The following DDR2 variants were observed in gnomAD, a reference collection of about 807,000 sequenced individuals.
DDR2 encodes discoidin domain-containing receptor 2.
DDR2 carries 27 observed loss-of-function variants against 94.9 expected under a neutral mutation model. The ratio of observed to expected loss-of-function variants is 0.28; its 90% CI spans 0.21 to 0.39. DDR2 has a LOEUF of 0.39. DDR2 is among the 10% of genes least tolerant of loss of function. The pLI is 1.00. For missense variants in DDR2, 783 were observed against 1,076.0 expected (o/e 0.73, Z 3.81); for synonymous variants, 382 against 377.2 (o/e 1.01, Z -0.15).
chr1:162,741,194 T>TACAATAC (rs1558057287), intron 3 of DDR2, among the ~76,000 whole-genome samples: 5 of 77,542 alleles, frequency 6.4e-5, no homozygotes, highest in African/African-American at 2.2e-4. Context: ...TAACATAACA[T>TACAATAC]AATACAATAC....
chr1:162,755,914 G>A, intron 7 of DDR2, 145 bp downstream of exon 7: 1 of 760,416 alleles, frequency 1.3e-6, no homozygotes, highest in Non-Finnish European at 2.2e-6. Flanking sequence ...TTTAGATGAA[G>A]GAATACACAT....
chr1:162,703,475 T>C (rs920118392), intron 2 of DDR2, among the ~76,000 whole-genome samples: 1 of 152,152 alleles, frequency 6.6e-6, no homozygotes, highest in African/African-American at 2.4e-5. Flanking sequence ...AGCACTGTTG[T>C]CCATTTAGTG....
In DDR2 at chr1:162,782,575, ATTC is replaced by A. The variant is rs142126691; in HGVS notation, c.*2335_*2337del. 145,299 of 152,006 alleles carry A rather than the reference ATTC, an allele frequency of 0.96. 69,750 individuals are homozygous for A. The highest frequency in any genetic ancestry group is 1 in the East Asian group (5,176 of 5,176). 9.4% of individuals were successfully genotyped at this position (152,006 alleles called of 1,614,324 possible). On this transcript the variant is annotated 3_prime_UTR_variant, in exon 18 of 18. Coordinates refer to ENST00000367921, the MANE Select transcript of DDR2 (RefSeq NM_006182.4). ...GACTTGAACTCAGGACCTGCAGCCT[ATTC>A]TTCTTTATCCACATGTCTCTGGTAG...
At chr1:162,779,976 C>A (rs1383872634) in intron 17 of DDR2, 136 bp from the exon 18 acceptor site, 1 of 1,274,972 alleles carries the variant, frequency 7.8e-7, no homozygotes, top group Non-Finnish European at 1.1e-6. Context: ...GACACTACAC[C>A]CATTTCAGTT....
intron 3 of DDR2, among the ~76,000 whole-genome samples, chr1:162,747,911 G>T (rs1015279943): frequency 4.6e-5 from 7 of 152,152 alleles, no homozygotes; most frequent in Admixed American, 4.6e-4. Flanking sequence ...AGCTTCATAA[G>T]TGAAGGAGAA....
rs55973200 is a variant in DDR2, at chr1:162,772,146, G to C, written c.1627G>C (p.Val543Leu). 1 of 1,614,188 alleles carries C rather than the reference G, an allele frequency of 6.2e-7. No individual in the cohort carries two copies. The highest frequency in any genetic ancestry group is 1.7e-5 in the Admixed American group (1 of 60,018). ...AGGCAACACATACTCAGTGCCTGCC[G>C]TCACCATGGACCTGCTCTCAGGAAA... ...TGGNTYSVPA[V>L]TMDLLSGKDV... Residue 543 changes from valine (V) to leucine (L), a missense_variant, in exon 13 of 18, where the codon GTC becomes CTC. Val to Leu is a conservative substitution (Grantham distance 32). Coordinates refer to ENST00000367921, the MANE Select transcript of DDR2 (RefSeq NM_006182.4).
At position 162,661,781 on chromosome 1, in the gene DDR2, T is replaced by C. The variant is rs1407380558; in HGVS notation, c.-28+6407T>C. ...TTCCAGAACCAAATTTCAGAGGAGG[T>C]GGGTGTAGGAGAATTGAGATTCTTT... On this transcript the variant is annotated intron_variant, in intron 2 of 17. Coordinates refer to ENST00000367921, the MANE Select transcript of DDR2 (RefSeq NM_006182.4). Among the ~76,000 whole-genome samples, 7 of 152,088 alleles carry C rather than the reference T, an allele frequency of 4.6e-5. No homozygotes were observed. In the East Asian group the frequency reaches 1.4e-3, roughly 29 times the overall value.
At chr1:162,647,567 G>A (rs1175909142) in intron 1 of DDR2, among the ~76,000 whole-genome samples, 1 of 152,198 alleles carries the variant, frequency 6.6e-6, no homozygotes, top group Non-Finnish European at 1.5e-5. Flanking sequence ...TATACTTGTA[G>A]TTATTTCTTG....
intron 3 of DDR2, among the ~76,000 whole-genome samples, chr1:162,729,296 A>T (rs1274935309): frequency 0.27 from 8,524 of 31,586 alleles, 524 homozygotes; most frequent in Admixed American, 0.32. Flanking sequence ...ATATATATAT[A>T]TATATTTTTT....
intron 2 of DDR2, among the ~76,000 whole-genome samples, chr1:162,687,546 A>G (rs1659743253): frequency 6.6e-6 from 1 of 152,162 alleles, no homozygotes; most frequent in Admixed American, 6.5e-5. Context: ...TGCTTTCCCA[A>G]CTGTCTTAGG....
intron 6 of DDR2, 33 bp downstream of exon 6, chr1:162,755,336 T>A (rs1405050673): frequency 6.2e-7 from 1 of 1,612,666 alleles, no homozygotes; most frequent in Non-Finnish European, 8.5e-7. Flanking sequence ...CTATAGACTT[T>A]ATTAAAAACT....
intron 2 of DDR2, among the ~76,000 whole-genome samples, chr1:162,676,424 G>T (rs1571183375): frequency 6.6e-6 from 1 of 152,116 alleles, no homozygotes; most frequent in East Asian, 1.9e-4. Context: ...CCCCTGCTAG[G>T]CTGTGAAATC....
At chr1:162,656,692 T>C (rs1470851695) in intron 2 of DDR2, among the ~76,000 whole-genome samples, 1 of 152,078 alleles carries the variant, frequency 6.6e-6, no homozygotes, top group Non-Finnish European at 1.5e-5. Context: ...GAATAATTCA[T>C]TGCTATGCTT....
At chr1:162,726,535 A>G (rs1247786767) in intron 3 of DDR2, among the ~76,000 whole-genome samples, 1 of 152,160 alleles carries the variant, frequency 6.6e-6, no homozygotes, top group African/African-American at 2.4e-5. Context: ...GAGGAGCTAA[A>G]AGTAATGCAA....
Position 162,776,152 on chromosome 1 carries a change from T to C in DDR2, c.2065T>C (p.Phe689Leu). ...TTTCCTCAGTTACACCAATCTGAAGTTTATGGCTACCCAAATTGCCTCTGG... is the reference window on the plus strand; with the variant it reads ...TTTCCTCAGTTACACCAATCTGAAGCTTATGGCTACCCAAATTGCCTCTGG... Reference protein sequence around the residue: ...VRTVSYTNLKFMATQIASGMK... With the variant: ...VRTVSYTNLKLMATQIASGMK... Residue 689 changes from phenylalanine (F) to leucine (L), a missense_variant, in exon 16 of 18, where the codon TTT (phenylalanine) becomes CTT (leucine). Transcript: ENST00000367921. 6.2e-7 allele frequency: 1 copy of C among 1,613,842 alleles called. No homozygotes were observed. Among genetic ancestry groups the C allele is most frequent in the East Asian group, 2.2e-5 (1 of 44,878 alleles).
intron 3 of DDR2, among the ~76,000 whole-genome samples, chr1:162,731,336 C>T (rs1010933669): frequency 6.6e-6 from 1 of 152,168 alleles, no homozygotes; most frequent in East Asian, 1.9e-4. Flanking sequence ...CTGTATTAAC[C>T]TTAGCTCTAG....
At chr1:162,738,980 C>T (rs1455612387) in intron 3 of DDR2, among the ~76,000 whole-genome samples, 3 of 28,632 alleles carry the variant, frequency 1.0e-4, no homozygotes, top group Non-Finnish European at 2.0e-4. Context: ...AAGATTTAAA[C>T]GTTAGACCTA....
chr1:162,776,407 T>C (rs1402586275), intron 16 of DDR2, 37 bp downstream of exon 16: 1 of 1,607,094 alleles, frequency 6.2e-7, no homozygotes, highest in African/African-American at 1.3e-5. Flanking sequence ...GTCTAACAAC[T>C]GGCTTGTGGG....
intron 2 of DDR2, among the ~76,000 whole-genome samples, chr1:162,660,075 T>G (rs1419935823): frequency 1.3e-5 from 2 of 152,140 alleles, no homozygotes; most frequent in Non-Finnish European, 2.9e-5. Context: ...AAACTTCCTG[T>G]TTTTTGGGCA....
Sources: gnomAD v4.1 joint callset for allele counts (sites outside exome capture counted in the v4.1 genomes callset) on GRCh38, gnomAD v4.1.1 for gene constraint, MANE v1.5 for transcripts, NCBI Gene and HGNC (gene_info 2026-07-23, HGNC 2026-07-21) for gene names.